Variants in RANBP2 observed in about 807,000 individuals in gnomAD.
The protein encoded by RANBP2 is RAN binding protein 2, also known as E3 SUMO-protein ligase RanBP2.
RANBP2 carries 57 observed loss-of-function variants against 303.6 expected under a neutral mutation model. That is an observed-to-expected ratio of 0.19 (90% CI 0.15 to 0.23). The LOEUF (loss-of-function observed/expected upper bound fraction) is 0.23, where lower values mean the gene tolerates loss of function less well. RANBP2 is among the 10% of genes least tolerant of loss of function. The pLI is 1.00. For missense variants in RANBP2, 3,138 were observed against 3,780.8 expected, an observed-to-expected ratio of 0.83 and a Z score of 4.46; for synonymous variants, 1,167 against 1,301.5, an observed-to-expected ratio of 0.90 and a Z score of 2.23.
the RANBP2 span, among the ~76,000 whole-genome samples, chr2:109,619,677 T>C: frequency 2.0e-5 from 3 of 152,228 alleles, no homozygotes; most frequent in Non-Finnish European, 2.9e-5. Flanking sequence ...TTTGTTTTTC[T>C]AGAATAACTT....
the RANBP2 span, among the ~76,000 whole-genome samples, chr2:108,993,247 C>A: frequency 3.3e-5 from 5 of 152,018 alleles, no homozygotes; most frequent in Non-Finnish European, 5.9e-5. Context: ...TTCAGATGGA[C>A]CAAAGGTCTT....
chr2:109,428,959 A>G, the RANBP2 span, among the ~76,000 whole-genome samples: 12 of 152,138 alleles, frequency 7.9e-5, no homozygotes, highest in Non-Finnish European at 1.5e-4. Flanking sequence ...CTGGCTCGCC[A>G]CTGAGTGCAG....
chr2:108,861,962 A>G, the RANBP2 span, among the ~76,000 whole-genome samples: 1 of 152,026 alleles, frequency 6.6e-6, no homozygotes. Flanking sequence ...CCCAAAAGTC[A>G]TTCGGGAGTA....
the RANBP2 span, among the ~76,000 whole-genome samples, chr2:108,905,894 C>T: frequency 2.6e-5 from 4 of 152,180 alleles, no homozygotes; most frequent in South Asian, 6.2e-4. Flanking sequence ...TATCAGACAT[C>T]GGGGATGCTC....
chr2:108,877,338 C>T, the RANBP2 span, among the ~76,000 whole-genome samples: 2 of 151,688 alleles, frequency 1.3e-5, no homozygotes, highest in South Asian at 4.2e-4. Flanking sequence ...CGGTGATGGG[C>T]ACCTGTGATC....
the RANBP2 span, among the ~76,000 whole-genome samples, chr2:109,738,115 T>C: frequency 6.6e-6 from 1 of 151,806 alleles, no homozygotes; most frequent in African/African-American, 2.4e-5. Flanking sequence ...TTTTGTTTTG[T>C]TGCCTGTGTT....
chr2:109,558,229 T>C, the RANBP2 span, among the ~76,000 whole-genome samples: 2 of 152,232 alleles, frequency 1.3e-5, no homozygotes, highest in African/African-American at 4.8e-5. Flanking sequence ...AATTGGGACA[T>C]GTTTGTGTTT....
At chr2:109,512,836 C>A in the RANBP2 span, among the ~76,000 whole-genome samples, 6 of 152,222 alleles carry the variant, frequency 3.9e-5, no homozygotes, top group Admixed American at 2.6e-4. Context: ...TCCTCACCCC[C>A]TCCTGGGCCA....
chr2:108,731,307 C>A lies in RANBP2; in HGVS notation c.253-15C>A, dbSNP rs903620272. The stretch of plus-strand genomic sequence containing the variant: ...CAATTTATTTACTAATCTTTAATTT[C>A]TTTTCTGATATTAGCGTTCAGTGGA... On this transcript the variant is annotated splice_polypyrimidine_tract_variant and intron_variant, in intron 3 of 28. Transcript: ENST00000283195. 1.2e-6 allele frequency: 2 copies of A among 1,609,744 alleles called. No homozygotes were observed. The highest frequency in any genetic ancestry group is 3.3e-5 in the Admixed American group (2 of 59,730).
At chr2:109,090,217 T>C in the RANBP2 span, among the ~76,000 whole-genome samples, 1 of 151,910 alleles carries the variant, frequency 6.6e-6, no homozygotes, top group African/African-American at 2.4e-5. Context: ...AATGGTACTC[T>C]GTCCTTATGC....
the RANBP2 span, among the ~76,000 whole-genome samples, chr2:109,533,461 C>A: frequency 6.6e-6 from 1 of 152,194 alleles, no homozygotes; most frequent in African/African-American, 2.4e-5. Context: ...CATCTATCTT[C>A]TGGCAGAAAT....
the RANBP2 span, among the ~76,000 whole-genome samples, chr2:108,960,832 C>A: frequency 1.3e-5 from 2 of 152,090 alleles, no homozygotes; most frequent in South Asian, 4.1e-4. Flanking sequence ...ATTTAATGAG[C>A]CTCTTCATTT....
chr2:109,387,798 C>T, the RANBP2 span, among the ~76,000 whole-genome samples: 1 of 152,200 alleles, frequency 6.6e-6, no homozygotes, highest in Non-Finnish European at 1.5e-5. Context: ...AGCAGAGCCC[C>T]TGGCCTGCAG....
At chr2:108,863,692 ATTAT>A in the RANBP2 span, among the ~76,000 whole-genome samples, 35 of 152,274 alleles carry the variant, frequency 2.3e-4, no homozygotes, top group African/African-American at 7.7e-4. Context: ...GTTTATCATC[ATTAT>A]TTATTAAGGC....
the RANBP2 span, among the ~76,000 whole-genome samples, chr2:108,876,918 G>A: frequency 6.6e-6 from 1 of 152,144 alleles, no homozygotes; most frequent in Non-Finnish European, 1.5e-5. Context: ...GATGAGTAAA[G>A]TGGCCACAGG....
chr2:108,976,483 G>A, the RANBP2 span, among the ~76,000 whole-genome samples: 5 of 152,098 alleles, frequency 3.3e-5, no homozygotes, highest in Admixed American at 2.0e-4. Context: ...GACTCCTTCC[G>A]GTGCTCCTTG....
the RANBP2 span, among the ~76,000 whole-genome samples, chr2:109,045,510 C>G: frequency 0.97 from 147,125 of 152,178 alleles, 71,315 homozygotes; most frequent in East Asian, 1. Context: ...GGACAGCGAC[C>G]GCTCCCTCAT....
Position 108,730,799 on chromosome 2 carries a change from C to T in RANBP2, c.166C>T (p.Gln56Ter). 1 of 1,611,546 alleles carries T rather than the reference C, an allele frequency of 6.2e-7. No individual in the cohort carries two copies. Residue 56 changes from glutamine (Q) to a stop codon, truncating the protein, a stop_gained, in exon 3 of 29, where the codon CAA becomes TAA. Transcript: ENST00000283195. LOFTEE classifies it high-confidence loss of function. Reference protein sequence around the residue: ...KKYICTYINVQERDPKAHRFL... With the variant: ...KKYICTYINV ...ATACATATGTACTTACATTAATGTG[C>T]AAGAGAGGGATCCCAAAGCTCACAG... is the stretch of plus-strand genomic sequence containing the variant.
the RANBP2 span, chr2:108,884,194 C>T: frequency 6.6e-6 from 1 of 152,538 alleles, no homozygotes; most frequent in Non-Finnish European, 1.5e-5. Context: ...TGAGCCACTG[C>T]ACCTGCCCAA....
Sources: allele counts gnomAD v4.1 joint callset (sites outside exome capture counted in the v4.1 genomes callset), GRCh38; gene constraint gnomAD v4.1.1; transcripts MANE v1.5; gene names NCBI Gene and HGNC (gene_info 2026-07-23, HGNC 2026-07-21).